Variants in NALF1 observed in about 807,000 individuals in gnomAD.
NALF1 encodes the protein NALCN channel auxiliary factor 1.
Under a neutral mutation model 48.4 loss-of-function variants are expected in NALF1, and 3 were observed. That is an observed-to-expected ratio of 0.06 (90% confidence interval 0.03 to 0.16). The LOEUF (loss-of-function observed/expected upper bound fraction) is 0.16. NALF1 is among the 10% of genes least tolerant of loss of function. NALF1 has a pLI of 1.00. For synonymous variants in NALF1, 262 were observed against 245.7 expected (o/e 1.07, Z -0.62); for missense variants, 526 against 571.5 (o/e 0.92, Z 0.81).
intron 1 of NALF1, among the ~76,000 whole-genome samples, chr13:107,395,496 G>T (rs1451492230): frequency 6.6e-6 from 1 of 152,078 alleles, no homozygotes; most frequent in Non-Finnish European, 1.5e-5. Flanking sequence ...AGATTCCTCA[G>T]ACTACACAGC....
At chr13:107,360,050 T>C (rs1883034299) in intron 1 of NALF1, among the ~76,000 whole-genome samples, 1 of 152,200 alleles carries the variant, frequency 6.6e-6, no homozygotes, top group Non-Finnish European at 1.5e-5. Context: ...AAATGACTTG[T>C]GGCAACATGC....
intron 2 of NALF1, among the ~76,000 whole-genome samples, chr13:107,207,014 G>T (rs1006192048): frequency 1.3e-5 from 2 of 152,106 alleles, no homozygotes; most frequent in African/African-American, 4.8e-5. Context: ...AGTGAGAAAT[G>T]ATTGCATTTT....
At chr13:107,462,183 T>A (rs1299784589) in intron 1 of NALF1, among the ~76,000 whole-genome samples, 3 of 152,170 alleles carry the variant, frequency 2.0e-5, no homozygotes, top group African/African-American at 7.2e-5. Flanking sequence ...TTGTGTGTCC[T>A]ACAGTAACTA....
chr13:107,649,714 T>C (rs1377802080), intron 1 of NALF1, among the ~76,000 whole-genome samples: 2 of 152,180 alleles, frequency 1.3e-5, no homozygotes, highest in African/African-American at 4.8e-5. Flanking sequence ...CATGGCCACC[T>C]TGAATGATAA....
chr13:107,798,646 AC>A (rs1005134138), intron 1 of NALF1, among the ~76,000 whole-genome samples: 1 of 152,164 alleles, frequency 6.6e-6, no homozygotes, highest in African/African-American at 2.4e-5. Flanking sequence ...TTAGAAAACA[AC>A]CCCAAGGAAT....
At chr13:107,264,171 T>C (rs1880992518) in intron 1 of NALF1, among the ~76,000 whole-genome samples, 1 of 152,250 alleles carries the variant, frequency 6.6e-6, no homozygotes, top group South Asian at 2.1e-4. Context: ...TATGACTTCA[T>C]AGAATCTTTT....
intron 1 of NALF1, among the ~76,000 whole-genome samples, chr13:107,238,818 A>G (rs558709281): frequency 1.1e-4 from 17 of 152,318 alleles, no homozygotes; most frequent in African/African-American, 3.8e-4. Flanking sequence ...CTTTTAAGTC[A>G]TTCCAAGAAA....
At chr13:107,341,912 GATGCATATATACAGTTT>G (rs1392751371) in intron 1 of NALF1, among the ~76,000 whole-genome samples, 1 of 134,322 alleles carries the variant, frequency 7.4e-6, no homozygotes, top group East Asian at 2.5e-4. Flanking sequence ...CACACACACT[GATGCATATATACAGTTT>G]AGAATGTTTC....
intron 1 of NALF1, chr13:107,466,372 G>A (rs948248979): frequency 1.3e-5 from 2 of 152,184 alleles, no homozygotes; most frequent in Non-Finnish European, 2.9e-5. Flanking sequence ...AATTTTGGAG[G>A]TCCACACACA....
chr13:107,674,296 T>C (rs1403483911), intron 1 of NALF1, among the ~76,000 whole-genome samples: 1 of 152,138 alleles, frequency 6.6e-6, no homozygotes, highest in Non-Finnish European at 1.5e-5. Context: ...TATAGTAAAT[T>C]CTATTATCCA....
intron 1 of NALF1, among the ~76,000 whole-genome samples, chr13:107,435,246 A>C (rs1884445531): frequency 6.6e-6 from 1 of 152,006 alleles, no homozygotes; most frequent in Non-Finnish European, 1.5e-5. Context: ...CAAATCGTTG[A>C]GATGTTCCAT....
rs892208287 is a variant in NALF1 at position 107,791,351 on chromosome 13, A to ATATC, written c.915+74327_915+74330dup. Among the ~76,000 whole-genome samples the ATATC allele has an allele frequency of 3.0e-4, 45 of 152,172 alleles. 1 individual carries two copies. The highest frequency in any genetic ancestry group is 1.5e-5 in the Non-Finnish European group (1 of 68,032). On this transcript the variant is annotated intron_variant, in intron 1 of 2. Coordinates refer to ENST00000375915, the MANE Select transcript of NALF1 (RefSeq NM_001080396.3). ...GACAAAAACTATGTACCTGTCTATC[A>ATATC]TATCTAGCTAGCTAGCTAGCTATCA...
intron 1 of NALF1, among the ~76,000 whole-genome samples, chr13:107,356,952 GT>G (rs1283854834): frequency 6.6e-6 from 1 of 152,172 alleles, no homozygotes; most frequent in African/African-American, 2.4e-5. Context: ...CCTTTACAGT[GT>G]TACCATTCTA....
intron 1 of NALF1, among the ~76,000 whole-genome samples, chr13:107,809,296 G>C (rs1566490437): frequency 1.3e-5 from 2 of 151,942 alleles, no homozygotes; most frequent in East Asian, 3.9e-4. Context: ...GTCTTCTCAA[G>C]CCACATCATC....
At chr13:107,200,555 C>T (rs1228453608) in intron 2 of NALF1, among the ~76,000 whole-genome samples, 1 of 152,172 alleles carries the variant, frequency 6.6e-6, no homozygotes, top group Admixed American at 6.5e-5. Context: ...ATTTATTTTA[C>T]AGTAAAATTC....
At chr13:107,653,253 A>G (rs1265751552) in intron 1 of NALF1, among the ~76,000 whole-genome samples, 1 of 152,134 alleles carries the variant, frequency 6.6e-6, no homozygotes, top group Non-Finnish European at 1.5e-5. Flanking sequence ...ATGTTAGTCC[A>G]ATAACAAACG....
At chr13:107,587,489 A>C (rs1878491800) in intron 1 of NALF1, among the ~76,000 whole-genome samples, 1 of 152,150 alleles carries the variant, frequency 6.6e-6, no homozygotes, top group Non-Finnish European at 1.5e-5. Flanking sequence ...TTTTAGGAAT[A>C]ATAATTGTGG....
chr13:107,507,659 C>T (rs897525998), intron 1 of NALF1, among the ~76,000 whole-genome samples: 1 of 145,330 alleles, frequency 6.9e-6, no homozygotes, highest in Non-Finnish European at 1.5e-5. Context: ...GATTGCAGAG[C>T]GACTTTTTCT....
At chr13:107,624,775 C>T (rs1166883069) in intron 1 of NALF1, among the ~76,000 whole-genome samples, 1 of 152,182 alleles carries the variant, frequency 6.6e-6, no homozygotes, top group Non-Finnish European at 1.5e-5. Context: ...TTAAGCTCTT[C>T]CACTGCTTTC....
Sources: gnomAD v4.1 joint callset for allele counts (sites outside exome capture counted in the v4.1 genomes callset) on GRCh38, gnomAD v4.1.1 for gene constraint, MANE v1.5 for transcripts, NCBI Gene and HGNC (gene_info 2026-07-23, HGNC 2026-07-21) for gene names.